The following PACC1 variants were observed in gnomAD, a reference collection of about 807,000 sequenced individuals.
PACC1 encodes proton activated chloride channel 1.
PACC1 carries 34 observed loss-of-function variants against 39.7 expected under a neutral mutation model. The observed-to-expected ratio is 0.86, with a 90% CI of 0.65 to 1.14. The LOEUF is 1.14. Ranked by LOEUF, PACC1 falls within the 50% of genes most tolerant of loss-of-function variation. The pLI is 0.00. For synonymous variants in PACC1, 127 were observed against 160.6 expected (o/e 0.79, Z 1.58); for missense variants, 379 against 436.4 (o/e 0.87, Z 1.17).
rs1339312335 is a variant in PACC1 at position 212,365,379 on chromosome 1, G to A, written c.892-3C>T. 1 of 1,594,182 alleles carries A rather than the reference G, an allele frequency of 6.3e-7. No homozygotes were observed. Among genetic ancestry groups the A allele is most frequent in the South Asian group, 1.1e-5 (1 of 89,474 alleles). ...TTCCAAGGATTGGCAGTGACTATCT[G>A]TGAAGCAAACAGAAACAAACAGGAT... is the stretch of plus-strand genomic sequence containing the variant. On this transcript the variant is annotated splice_region_variant and splice_polypyrimidine_tract_variant and intron_variant, in intron 7 of 7. Coordinates refer to ENST00000261455, the MANE Select transcript of PACC1 (RefSeq NM_018252.3).
intron 2 of PACC1, among the ~76,000 whole-genome samples, chr1:212,390,893 G>A (rs1032644541): frequency 6.6e-6 from 1 of 152,238 alleles, no homozygotes; most frequent in African/African-American, 2.4e-5. Flanking sequence ...GAGGCTGGGG[G>A]AGGGGCACCT....
At position 212,410,455 on chromosome 1, in the gene PACC1, C is replaced by A. The variant is rs1391700569; in HGVS notation, c.103G>T (p.Val35Phe). ...ELADEQDKETVRVQGPGILPG... is the reference protein window; with the variant it reads ...ELADEQDKETFRVQGPGILPG... ...AAGATACCCGGACCTTGGACTCTGA[C>A]CGTCTCCTTGTCCTGCTCGTCTGCC... Residue 35 changes from valine to phenylalanine, a missense_variant, in exon 2 of 8, where the codon GTC (valine) becomes TTC (phenylalanine). Physicochemically the swap from Val to Phe is conservative, Grantham distance 50. Coordinates refer to ENST00000261455, the MANE Select transcript of PACC1 (RefSeq NM_018252.3). The A allele has an allele frequency of 6.2e-7, 1 of 1,614,072 alleles. No homozygotes were observed. Among genetic ancestry groups the A allele is most frequent in the East Asian group, 2.2e-5 (1 of 44,900 alleles).
chr1:212,369,749 C>G (rs1279507452), intron 7 of PACC1, among the ~76,000 whole-genome samples: 1 of 149,840 alleles, frequency 6.7e-6, no homozygotes, highest in Non-Finnish European at 1.5e-5. Context: ...CCACTGCACT[C>G]CAGCCTGGGC....
intron 2 of PACC1, among the ~76,000 whole-genome samples, chr1:212,405,846 T>C (rs1208690953): frequency 6.6e-6 from 1 of 151,972 alleles, no homozygotes; most frequent in Admixed American, 6.6e-5. Context: ...AAAGTGTATA[T>C]AAAAAGCCCT....
chr1:212,380,481 A>C (rs1001115866), intron 4 of PACC1, among the ~76,000 whole-genome samples: 35 of 152,132 alleles, frequency 2.3e-4, no homozygotes, highest in African/African-American at 8.2e-4. Context: ...AGCCAAAATT[A>C]TATCAATATT....
At chr1:212,376,521 C>T (rs1311302153) in intron 6 of PACC1, among the ~76,000 whole-genome samples, 2 of 152,180 alleles carry the variant, frequency 1.3e-5, no homozygotes, top group Admixed American at 1.3e-4. Context: ...GGTAAGTGAA[C>T]ACAGTCTCCT....
chr1:212,381,146 T>A (rs974379145), intron 4 of PACC1, among the ~76,000 whole-genome samples: 1 of 152,196 alleles, frequency 6.6e-6, no homozygotes, highest in Non-Finnish European at 1.5e-5. Flanking sequence ...GAGAGGGGTG[T>A]TTAAATCGTG....
intron 2 of PACC1, among the ~76,000 whole-genome samples, chr1:212,405,770 G>A (rs865841212): frequency 1.3e-4 from 20 of 152,092 alleles, no homozygotes; most frequent in Admixed American, 5.9e-4. Flanking sequence ...TCTGTGCCTT[G>A]GGTTCCTCAT....
rs1660596846 is a variant in PACC1 at position 212,375,062 on chromosome 1, G to T, written c.891+131C>A. 3.4e-5 allele frequency: 21 copies of T among 617,804 alleles called. No individual in the cohort carries two copies. In the South Asian group the frequency reaches 4.6e-4, roughly 13 times the overall value. The allele number at this position is 617,804 out of a possible 1,614,324, so 38.3% of individuals were successfully genotyped here. On this transcript the variant is annotated intron_variant, in intron 7 of 7. Coordinates refer to ENST00000261455, the MANE Select transcript of PACC1 (RefSeq NM_018252.3). Reference sequence around the variant, plus strand: ...GAAAAAAGATGAGGACAGGTAGGTAGACTTATCAGTCTACAAGAATGAGCC... The same window carrying T: ...GAAAAAAGATGAGGACAGGTAGGTATACTTATCAGTCTACAAGAATGAGCC...
intron 2 of PACC1, among the ~76,000 whole-genome samples, chr1:212,389,069 G>T (rs1006043472): frequency 2.6e-5 from 4 of 152,182 alleles, no homozygotes; most frequent in African/African-American, 7.2e-5. Flanking sequence ...TCAAAAGCAG[G>T]TAGAAATTGA....
Position 212,375,302 on chromosome 1 carries a change from T to C in PACC1, c.784-2A>G. 6.2e-7 allele frequency: 1 copy of C among 1,608,386 alleles called. No homozygotes were observed. ...GTCAATGTAGTTAACCACACTTGTCTAGATGTGGAGGAGAGAAAGCAGTGT... is the reference window on the plus strand; with the variant it reads ...GTCAATGTAGTTAACCACACTTGTCCAGATGTGGAGGAGAGAAAGCAGTGT... On this transcript the variant is annotated splice_acceptor_variant, in intron 6 of 7. Coordinates refer to ENST00000261455, the MANE Select transcript of PACC1 (RefSeq NM_018252.3). LOFTEE classifies it high-confidence loss of function.
intron 2 of PACC1, among the ~76,000 whole-genome samples, chr1:212,390,248 C>A (rs1661261086): frequency 6.6e-6 from 1 of 151,706 alleles, no homozygotes; most frequent in Admixed American, 6.6e-5. Context: ...TGTGGTGAAA[C>A]CCCGTCTCTA....
intron 2 of PACC1, among the ~76,000 whole-genome samples, chr1:212,399,080 A>T (rs1406295093): frequency 2.0e-5 from 3 of 152,214 alleles, no homozygotes; most frequent in Non-Finnish European, 4.4e-5. Context: ...GATGGGTGAA[A>T]ATACATTCAC....
intron 2 of PACC1, among the ~76,000 whole-genome samples, chr1:212,398,450 G>A (rs1661598967): frequency 1.3e-5 from 2 of 152,146 alleles, no homozygotes; most frequent in Admixed American, 1.3e-4. Context: ...ACTTTAGAAG[G>A]TTTTCACTTT....
chr1:212,386,713 GCACGTAA>G lies in PACC1; in HGVS notation c.343+171_343+177del, dbSNP rs140811722. Among the ~76,000 whole-genome samples, 782 of 152,230 alleles carry G rather than the reference GCACGTAA, an allele frequency of 5.1e-3. 1 individual carries two copies. Among genetic ancestry groups the G allele is most frequent in the Middle Eastern group, 0.014 (4 of 294 alleles). On this transcript the variant is annotated intron_variant, in intron 3 of 7. Coordinates refer to ENST00000261455, the MANE Select transcript of PACC1 (RefSeq NM_018252.3). The surrounding 1 kb of genome is among the most constrained non-coding windows in gnomAD (Gnocchi z 5.0). ...CAGGCTCTGTCCATTTCTGTCCTCA[GCACGTAA>G]CACACTCCCAACAGCAGCTCCTTGG...
chr1:212,406,984 GC>G (rs762681952), intron 2 of PACC1, among the ~76,000 whole-genome samples: 1 of 152,142 alleles, frequency 6.6e-6, no homozygotes, highest in African/African-American at 2.4e-5. Flanking sequence ...AGAGGGTAGT[GC>G]AAGGTGTGGT....
intron 2 of PACC1, among the ~76,000 whole-genome samples, chr1:212,406,919 G>A (rs1480162236): frequency 1.3e-5 from 2 of 152,176 alleles, no homozygotes; most frequent in Non-Finnish European, 2.9e-5. Flanking sequence ...TTCCAAGTCT[G>A]GCCTCCCTCC....
At chr1:212,409,114 A>C (rs1317612891) in intron 2 of PACC1, among the ~76,000 whole-genome samples, 2 of 152,342 alleles carry the variant, frequency 1.3e-5, no homozygotes, top group East Asian at 3.9e-4. Context: ...TCTGAGGTGG[A>C]ACAGTTTCAT....
rs534034937 is a variant in PACC1, at chr1:212,379,211, A to G, written c.638+684T>C. 3.3e-4 allele frequency among the ~76,000 whole-genome samples: 50 copies of G among 152,230 alleles called. No homozygotes were observed. The South Asian group carries it at 5.6e-3, about 17-fold the overall frequency. ...GCCCACCTTGGCCTCCCAAAGTGGT[A>G]GGATTACAGGTGTGAGCCACCACAC... is the stretch of plus-strand genomic sequence containing the variant. On this transcript the variant is annotated intron_variant, in intron 5 of 7. Coordinates refer to ENST00000261455, the MANE Select transcript of PACC1 (RefSeq NM_018252.3).
Sources: gnomAD v4.1 joint callset for allele counts (sites outside exome capture counted in the v4.1 genomes callset) on GRCh38, gnomAD v4.1.1 for gene constraint, Gnocchi (gnomAD v3.1) non-coding constraint, MANE v1.5 for transcripts, NCBI Gene and HGNC (gene_info 2026-07-23, HGNC 2026-07-21) for gene names.